Variants in ABCB1 observed in about 807,000 individuals in gnomAD.
ABCB1 encodes the protein ATP binding cassette subfamily B member 1.
In ABCB1, 69 loss-of-function variants were observed where a neutral mutation model predicts 142.0. That is an observed-to-expected ratio of 0.49 (90% confidence interval 0.40 to 0.59). The LOEUF is 0.59. Ranked by LOEUF, ABCB1 falls within the 20% of genes least tolerant of loss-of-function variation. The pLI is 0.00. For missense variants in ABCB1, 1,326 were observed against 1,554.7 expected (o/e 0.85, Z 2.47); for synonymous variants, 532 against 539.2 (o/e 0.99, Z 0.18).
intron 1 of ABCB1, among the ~76,000 whole-genome samples, chr7:87,633,902 A>G (rs1343861043): frequency 6.6e-6 from 1 of 152,156 alleles, no homozygotes; most frequent in Non-Finnish European, 1.5e-5. Flanking sequence ...GTAGTTTATA[A>G]AGAAAAGAGG....
At chr7:87,505,596 C>G (rs1210756687) in intron 27 of ABCB1, among the ~76,000 whole-genome samples, 2 of 152,174 alleles carry the variant, frequency 1.3e-5, no homozygotes, top group Non-Finnish European at 2.9e-5. Context: ...ACCACTTTTC[C>G]TTATGGTTGC....
intron 17 of ABCB1, among the ~76,000 whole-genome samples, chr7:87,543,746 G>C (rs1211366338): frequency 6.6e-6 from 1 of 152,178 alleles, no homozygotes; most frequent in Non-Finnish European, 1.5e-5. Context: ...GTATGTTAGA[G>C]AACAGTGCAT....
At chr7:87,693,385 T>A (rs115281635) in intron 1 of ABCB1, among the ~76,000 whole-genome samples, 1,651 of 152,246 alleles carry the variant, frequency 0.011, 27 homozygotes, top group African/African-American at 0.036. Flanking sequence ...AGGCAAAAAA[T>A]GAATGGCTAC....
intron 1 of ABCB1, among the ~76,000 whole-genome samples, chr7:87,686,510 A>T (rs1827475190): frequency 6.6e-6 from 1 of 152,202 alleles, no homozygotes; most frequent in Admixed American, 6.5e-5. Context: ...ACTGACTGGT[A>T]GGCCACATAG....
At chr7:87,512,184 A>C (rs1267380363) in intron 25 of ABCB1, among the ~76,000 whole-genome samples, 98 of 132,034 alleles carry the variant, frequency 7.4e-4, no homozygotes, top group African/African-American at 2.5e-3. Flanking sequence ...TTGCATTAAA[A>C]AAAAAATTTT....
At chr7:87,697,033 C>T (rs1163001897) in intron 1 of ABCB1, among the ~76,000 whole-genome samples, 1 of 152,154 alleles carries the variant, frequency 6.6e-6, no homozygotes, top group African/African-American at 2.4e-5. Context: ...AAACATCCTA[C>T]AAGTTATTTT....
intron 7 of ABCB1, 22 bp downstream of exon 7, chr7:87,566,048 T>C: frequency 3.1e-6 from 5 of 1,614,034 alleles, no homozygotes; most frequent in Non-Finnish European, 4.2e-6. Flanking sequence ...GTTCAAAATC[T>C]GGATTCACAG....
At chr7:87,704,851 A>G (rs1218139248) in intron 1 of ABCB1, among the ~76,000 whole-genome samples, 1 of 152,224 alleles carries the variant, frequency 6.6e-6, no homozygotes, top group African/African-American at 2.4e-5. Flanking sequence ...AGTAAGTCAC[A>G]TCTCACGTCT....
At chr7:87,591,797 T>G (rs1341749809) in intron 3 of ABCB1, among the ~76,000 whole-genome samples, 2 of 151,902 alleles carry the variant, frequency 1.3e-5, no homozygotes, top group Non-Finnish European at 2.9e-5. Context: ...GGAGTTTGCA[T>G]GAGAATAAAA....
intron 1 of ABCB1, among the ~76,000 whole-genome samples, chr7:87,632,674 A>T (rs934060243): frequency 6.6e-6 from 1 of 152,132 alleles, no homozygotes; most frequent in Admixed American, 6.5e-5. Flanking sequence ...TTGCATTTTT[A>T]TCCATAGATA....
intron 1 of ABCB1, among the ~76,000 whole-genome samples, chr7:87,616,864 G>C (rs946880541): frequency 2.6e-5 from 4 of 152,046 alleles, no homozygotes; most frequent in African/African-American, 9.7e-5. Context: ...CTTCTCTTGT[G>C]ATAAGAAACC....
chr7:87,626,307 G>C (rs796517559), intron 1 of ABCB1, among the ~76,000 whole-genome samples: 50 of 28,024 alleles, frequency 1.8e-3, no homozygotes, highest in Non-Finnish European at 2.8e-3. Context: ...TCATATATAT[G>C]TGTCGTATAT....
At chr7:87,665,128 G>T (rs529801318) in intron 1 of ABCB1, among the ~76,000 whole-genome samples, 2 of 152,022 alleles carry the variant, frequency 1.3e-5, no homozygotes, top group East Asian at 3.9e-4. Context: ...TAAATAAAAG[G>T]TATCCAAGTT....
intron 5 of ABCB1, among the ~76,000 whole-genome samples, chr7:87,568,144 C>T (rs1044492233): frequency 6.7e-6 from 1 of 149,610 alleles, no homozygotes; most frequent in African/African-American, 2.5e-5. Flanking sequence ...ACCTGTAATC[C>T]CAGCACTTCG....
upstream of ABCB1, among the ~76,000 whole-genome samples, chr7:87,605,044 G>A (rs1819597339): frequency 6.6e-6 from 1 of 152,260 alleles, no homozygotes; most frequent in South Asian, 2.1e-4. Flanking sequence ...GACATCAGAG[G>A]CAGATTTATG....
intron 1 of ABCB1, among the ~76,000 whole-genome samples, chr7:87,688,004 A>G (rs1365864291): frequency 1.3e-5 from 2 of 152,264 alleles, no homozygotes; most frequent in African/African-American, 4.8e-5. Context: ...ATATGAACAC[A>G]ATTCATCCAA....
chr7:87,590,519 A>G (rs1176242043), intron 3 of ABCB1, among the ~76,000 whole-genome samples: 10 of 152,310 alleles, frequency 6.6e-5, no homozygotes, highest in Non-Finnish European at 8.8e-5. Flanking sequence ...TCAGGAGGTA[A>G]CATCCATGAT....
chr7:87,703,659 A>C (rs1411446477), intron 1 of ABCB1, among the ~76,000 whole-genome samples: 3 of 151,796 alleles, frequency 2.0e-5, no homozygotes, highest in Non-Finnish European at 2.9e-5. Context: ...AATTAATTAT[A>C]GATTTTCTTT....
At chr7:87,687,988 A>G (rs1264913014) in intron 1 of ABCB1, among the ~76,000 whole-genome samples, 1 of 152,158 alleles carries the variant, frequency 6.6e-6, no homozygotes, top group African/African-American at 2.4e-5. Flanking sequence ...TTGTTTCTGT[A>G]GTAACATATG....
Sources: gnomAD v4.1 joint callset for allele counts (sites outside exome capture counted in the v4.1 genomes callset) on GRCh38, gnomAD v4.1.1 for gene constraint, MANE v1.5 for transcripts, NCBI Gene and HGNC (gene_info 2026-07-23, HGNC 2026-07-21) for gene names.